USP22: variants seen among roughly 807,000 people sequenced by gnomAD.
USP22 encodes ubiquitin specific peptidase 22.
A neutral mutation model predicts 68.1 loss-of-function variants in USP22; 22 were observed. That is an observed-to-expected ratio of 0.32 (90% CI 0.23 to 0.46). USP22 has a LOEUF of 0.46. Ranked by LOEUF, USP22 falls within the 20% of genes least tolerant of loss-of-function variation. The probability of loss-of-function intolerance (pLI) is 1.00; values close to 1 mark genes in which losing one functional copy is unlikely to be tolerated. For missense variants in USP22, 433 were observed against 695.8 expected (o/e 0.62, Z 4.25); for synonymous variants, 279 against 274.2 (o/e 1.02, Z -0.17).
At position 21,042,358 on chromosome 17, in the gene USP22, A is replaced by AGGAGGGGGAGGGGACAGAGT. The variant is rs1555531293; in HGVS notation, c.171+306_171+307insACTCTGTCCCCTCCCCCTCC. 6.1e-3 allele frequency: 886 copies of AGGAGGGGGAGGGGACAGAGT among 144,946 alleles called. 10 individuals are homozygous for AGGAGGGGGAGGGGACAGAGT. The highest frequency in any genetic ancestry group is 0.03 in the African/African-American group (839 of 28,172). 9.0% of individuals were successfully genotyped at this position (144,946 alleles called of 1,614,324 possible). On this transcript the variant is annotated intron_variant, in intron 1 of 12. Transcript: ENST00000261497. ...TAAGGGAGGGGGAGGGCGGAGAGAA[A>AGGAGGGGGAGGGGACAGAGT]GGAGGGGGAGGGGACAGAGAGGAGG...
chr17:21,017,143 G>A (rs1972092823), intron 5 of USP22, among the ~76,000 whole-genome samples: 1 of 152,200 alleles, frequency 6.6e-6, no homozygotes, highest in Admixed American at 6.5e-5. Context: ...CAGCTTTGCA[G>A]GTTGGATAGC....
rs143367508 is a variant in USP22, at chr17:21,018,960, T to C, written c.520+124A>G. The C allele has an allele frequency of 1.1e-4, 113 of 995,234 alleles. No individual in the cohort carries two copies. The East Asian group carries it at 2.3e-3, about 20-fold the overall frequency. 61.7% of individuals were successfully genotyped at this position (995,234 alleles called of 1,614,324 possible). ...GCTCAAGAGCTGGTTGCTGAGCACA[T>C]TGATGAGTGACAGTTATGCAGGGCT... On this transcript the variant is annotated intron_variant, in intron 4 of 12. Transcript: ENST00000261497.
At position 21,019,068 on chromosome 17, in the gene USP22, G is replaced by C. The variant is rs772081284; in HGVS notation, c.520+16C>G. The C allele has an allele frequency of 3.7e-6, 6 of 1,612,980 alleles. No individual in the cohort carries two copies. Among genetic ancestry groups the C allele is most frequent in the Non-Finnish European group, 4.2e-6 (5 of 1,179,068 alleles). On this transcript the variant is annotated intron_variant, in intron 4 of 12. Coordinates refer to ENST00000261497, the MANE Select transcript of USP22 (RefSeq NM_015276.2). ...GGAAAGAAGCCTAGCTGAGAGTGACGACACGCTCCACCCACCTATGGTGCA... is the reference window on the plus strand; with the variant it reads ...GGAAAGAAGCCTAGCTGAGAGTGACCACACGCTCCACCCACCTATGGTGCA...
intron 7 of USP22, 121 bp downstream of exon 7, chr17:21,012,709 A>C (rs17770614): frequency 0.23 from 205,249 of 884,808 alleles, 25,810 homozygotes; most frequent in South Asian, 0.28. Flanking sequence ...GGCGTCTATT[A>C]ATCATTTATC....
intron 1 of USP22, among the ~76,000 whole-genome samples, chr17:21,030,336 G>C (rs1972273024): frequency 6.6e-6 from 1 of 152,054 alleles, no homozygotes; most frequent in African/African-American, 2.4e-5. Flanking sequence ...ATTTGTGGTT[G>C]GTTGAACCCA....
At chr17:21,033,194 C>A (rs529062892) in intron 1 of USP22, among the ~76,000 whole-genome samples, 48 of 152,238 alleles carry the variant, frequency 3.2e-4, no homozygotes, top group African/African-American at 1.2e-3. Flanking sequence ...AGAAATTCAA[C>A]CTAGAATCTA....
intron 2 of USP22, among the ~76,000 whole-genome samples, chr17:21,024,923 T>G (rs1009621172): frequency 3.9e-5 from 6 of 152,286 alleles, no homozygotes; most frequent in African/African-American, 1.2e-4. Flanking sequence ...GAGCTGTGAT[T>G]GTGCCACTGC....
At chr17:21,015,653 C>CT in intron 6 of USP22, 99 bp downstream of exon 6, 1 of 1,428,746 alleles carries the variant, frequency 7.0e-7, no homozygotes, top group Non-Finnish European at 9.3e-7. Context: ...AATGTGTCAC[C>CT]TGTGCCCCTT....
At position 21,024,452 on chromosome 17, in the gene USP22, T is replaced by C. The variant is rs983022800; in HGVS notation, c.305-3226A>G. 5.9e-5 allele frequency among the ~76,000 whole-genome samples: 9 copies of C among 152,166 alleles called. No individual in the cohort carries two copies. In the South Asian group the frequency reaches 6.2e-4, roughly 10 times the overall value. ...AAGGCATCAGGACCATTTGAGGGGA[T>C]AGGGTATCTCTGTAACAAATGCTGC... On this transcript the variant is annotated intron_variant, in intron 2 of 12. Coordinates refer to ENST00000261497, the MANE Select transcript of USP22 (RefSeq NM_015276.2).
chr17:21,021,826 G>T (rs1306303746), intron 2 of USP22, among the ~76,000 whole-genome samples: 5 of 152,168 alleles, frequency 3.3e-5, no homozygotes, highest in African/African-American at 1.2e-4. Context: ...TAGGCCAGGA[G>T]CTGTGACTTA....
chr17:21,008,853 G>C (rs758423573), intron 8 of USP22, among the ~76,000 whole-genome samples: 1 of 152,142 alleles, frequency 6.6e-6, no homozygotes, highest in African/African-American at 2.4e-5. Context: ...CACTTTGGGA[G>C]GCTGAGGCAG....
chr17:21,022,931 A>T (rs1218126763), intron 2 of USP22, among the ~76,000 whole-genome samples: 1 of 152,184 alleles, frequency 6.6e-6, no homozygotes, highest in African/African-American at 2.4e-5. Context: ...GATCAACCTA[A>T]ATGCTCACCA....
chr17:21,012,409 C>T (rs1913997449), intron 7 of USP22, among the ~76,000 whole-genome samples: 1 of 152,200 alleles, frequency 6.6e-6, no homozygotes, highest in Non-Finnish European at 1.5e-5. Flanking sequence ...AGGGCCACTA[C>T]ATCAGAAAAT....
At chr17:21,003,679 A>T (rs536189853) in intron 12 of USP22, among the ~76,000 whole-genome samples, 1 of 152,222 alleles carries the variant, frequency 6.6e-6, no homozygotes, top group South Asian at 2.1e-4. Context: ...AGGCAGGAGG[A>T]TTGCCTGAAG....
chr17:21,006,904 C>T lies in USP22; in HGVS notation c.1314G>A (p.Met438Ile). ...FPLELDMTPF[M>I]ASSKESRMNG... ...CCTACAACCCCACATACCTGGAGGC[C>T]ATGAAAGGGGTCATGTCCAGCTCCA... The change falls in exon 10 of 13, where the codon ATG becomes ATA. Residue 438 changes from methionine to isoleucine, a missense_variant. By Grantham distance (10) the Met-to-Ile change is conservative. Around this residue, in one of 4 missense-constraint regions of USP22, gnomAD observed 178 missense variants for 351.5 expected, o/e 0.51. Coordinates refer to ENST00000261497, the MANE Select transcript of USP22 (RefSeq NM_015276.2). 6.2e-7 allele frequency: 1 copy of T among 1,605,600 alleles called. No individual in the cohort carries two copies. The highest frequency in any genetic ancestry group is 2.2e-5 in the East Asian group (1 of 44,524).
chr17:21,010,193 C>T (rs1412458727), intron 8 of USP22, among the ~76,000 whole-genome samples: 3 of 152,076 alleles, frequency 2.0e-5, no homozygotes, highest in South Asian at 2.1e-4. Context: ...CAACTTTGGT[C>T]GTGCTGACTA....
At chr17:21,020,486 T>A (rs1160434389) in intron 3 of USP22, among the ~76,000 whole-genome samples, 1 of 151,806 alleles carries the variant, frequency 6.6e-6, no homozygotes, top group African/African-American at 2.4e-5. Context: ...TCTCCTAGTT[T>A]CCTTCTGGTG....
chr17:21,029,825 TACTC>T (rs901646538), intron 1 of USP22, among the ~76,000 whole-genome samples: 4 of 152,290 alleles, frequency 2.6e-5, no homozygotes, highest in South Asian at 2.1e-4. Flanking sequence ...TTACATGAAA[TACTC>T]AGGATAGATA....
intron 1 of USP22, chr17:21,042,387 A>C: frequency 1.6e-5 from 2 of 123,948 alleles, no homozygotes; most frequent in Non-Finnish European, 3.0e-5. Flanking sequence ...GAGGAGGGGG[A>C]GGGGACAGAG....
Sources: allele counts gnomAD v4.1 joint callset (sites outside exome capture counted in the v4.1 genomes callset), GRCh38; gene constraint gnomAD v4.1.1; regional missense constraint gnomAD v4.1.1; transcripts MANE v1.5; gene names NCBI Gene and HGNC (gene_info 2026-07-23, HGNC 2026-07-21).